PLCD1: variants seen among roughly 807,000 people sequenced by gnomAD.
PLCD1 encodes the protein 1-phosphatidylinositol 4,5-bisphosphate phosphodiesterase delta-1.
Under a neutral mutation model 87.4 loss-of-function variants are expected in PLCD1, and 71 were observed. The observed-to-expected ratio is 0.81, with a 90% CI of 0.67 to 0.99. The LOEUF (loss-of-function observed/expected upper bound fraction) is 0.99. Among genes scored for constraint, PLCD1 ranks in the 50% least tolerant of loss-of-function variants. The pLI, the probability that PLCD1 is intolerant of heterozygous loss-of-function variation, is 0.00. For missense variants in PLCD1, 867 were observed against 1,001.5 expected, an observed-to-expected ratio of 0.87 and a Z score of 1.81; for synonymous variants, 348 against 399.2, an observed-to-expected ratio of 0.87 and a Z score of 1.53.
Position 38,007,528 on chromosome 3 carries a change from G to T in PLCD1, c.*245C>A. On this transcript the variant is annotated 3_prime_UTR_variant, in exon 15 of 15. Transcript: ENST00000334661. The stretch of plus-strand genomic sequence containing the variant: ...TATCGTGATTTTTATAAAAATCCTT[G>T]ACCACTCGCTGGCCGGAGGGTGGAG... 1.5e-6 allele frequency: 1 copy of T among 659,508 alleles called. No individual in the cohort carries two copies. The highest frequency in any genetic ancestry group is 2.8e-6 in the Non-Finnish European group (1 of 361,922). The allele number at this position is 659,508 out of a possible 1,614,324, so 40.9% of individuals were successfully genotyped here.
chr3:38,024,612 A>C, intron 1 of PLCD1: 1 of 1,514,420 alleles, frequency 6.6e-7, no homozygotes. Context: ...GGAGGGGCGC[A>C]CTTCGGAGGG....
chr3:38,023,244 A>G (rs2154776), intron 1 of PLCD1, among the ~76,000 whole-genome samples: 1 of 152,144 alleles, frequency 6.6e-6, no homozygotes, highest in African/African-American at 2.4e-5. Flanking sequence ...ACAGTCACAC[A>G]CTAGACCACC....
intron 9 of PLCD1, 46 bp downstream of exon 9, chr3:38,009,607 G>T: frequency 6.2e-7 from 1 of 1,611,034 alleles, no homozygotes; most frequent in Non-Finnish European, 8.5e-7. Context: ...CGGGTGAGGG[G>T]ATGGGGAAGG....
Position 38,024,601 on chromosome 3 carries a change from AGGAGGGGCGCACTTC to A in PLCD1, c.35-4264_35-4250del, listed in dbSNP as rs938442534. 15 of 1,511,552 alleles carry A rather than the reference AGGAGGGGCGCACTTC, an allele frequency of 9.9e-6. No homozygotes were observed. The Admixed American group carries it at 2.4e-4, about 24-fold the overall frequency. 93.6% of individuals were successfully genotyped at this position (1,511,552 alleles called of 1,614,324 possible). A position where few individuals can be genotyped will look rare whatever the true frequency, so the allele number is the denominator to read the frequency against. On this transcript the variant is annotated intron_variant, in intron 1 of 14. Transcript: ENST00000334661. ...TGGGAGGGAGGAGCTAGAGTTCGAG[AGGAGGGGCGCACTTC>A]GGAGGGGCGGGACGAGAGGGAAATC...
chr3:38,012,745 C>T (rs767693795), intron 3 of PLCD1, among the ~76,000 whole-genome samples: 1 of 151,990 alleles, frequency 6.6e-6, no homozygotes, highest in East Asian at 1.9e-4. Context: ...TTGAACTCCT[C>T]ACCTCAAGTG....
chr3:38,013,078 T>C (rs867654311), intron 3 of PLCD1, among the ~76,000 whole-genome samples: 3 of 151,636 alleles, frequency 2.0e-5, no homozygotes, highest in Non-Finnish European at 4.4e-5. Flanking sequence ...TTTGGAGAGA[T>C]GGGGTTTTGC....
chr3:38,027,000 G>T (rs1700317358), intron 1 of PLCD1, among the ~76,000 whole-genome samples: 1 of 152,140 alleles, frequency 6.6e-6, no homozygotes. Context: ...GTGTGTATGT[G>T]GGGGGTGTTC....
Position 38,008,499 on chromosome 3 carries a change from C to G in PLCD1, c.1861G>C (p.Ala621Pro). ...PNGTFNPRAL[A>P]QGPWWARKRL... is the part of the protein sequence containing the mutation. ...TTCCGTGCCCACCAGGGCCCCTGAG[C>G]CAGGGCGCGGGGGTTAAAGGTGCCG... The change falls in exon 12 of 15, where the codon GCT becomes CCT. Residue 621 changes from alanine to proline, a missense_variant. Ala to Pro is a conservative substitution (Grantham distance 27). Coordinates refer to ENST00000334661, the MANE Select transcript of PLCD1 (RefSeq NM_006225.4). 1 of 1,614,186 alleles carries G rather than the reference C, an allele frequency of 6.2e-7. No individual in the cohort carries two copies. Among genetic ancestry groups the G allele is most frequent in the Non-Finnish European group, 8.5e-7 (1 of 1,180,020 alleles).
chr3:38,024,576 T>C (rs1358002810), intron 1 of PLCD1: 2 of 1,505,698 alleles, frequency 1.3e-6, no homozygotes, highest in Non-Finnish European at 1.8e-6. Context: ...AGTCCAGGAA[T>C]GGGAGGGAGG....
Position 38,009,662 on chromosome 3 carries a change from G to A in PLCD1, c.1437C>T (p.His479=), listed in dbSNP as rs1322517336. The A allele has an allele frequency of 3.7e-6, 6 of 1,614,006 alleles. No homozygotes were observed. The highest frequency in any genetic ancestry group is 8.5e-7 in the Non-Finnish European group (1 of 1,180,020). Residue 479 remains histidine, a synonymous_variant, in exon 9 of 15, where the codon CAC becomes CAT. Transcript: ENST00000334661. ...EDEAVRSRVQ[H]KPKEDKLRLA... is the part of the protein sequence containing the mutation. Reference sequence around the variant, plus strand: ...CAGCTCCCCCTCAAACCTTGGGCTTGTGCTGCACACGGCTCCTCACTGCCT... The same window carrying A: ...CAGCTCCCCCTCAAACCTTGGGCTTATGCTGCACACGGCTCCTCACTGCCT...
chr3:38,007,618 C>T lies in PLCD1; in HGVS notation c.*155G>A, dbSNP rs1291029441. 1 of 711,964 alleles carries T rather than the reference C, an allele frequency of 1.4e-6. No individual in the cohort carries two copies. The highest frequency in any genetic ancestry group is 2.0e-5 in the Admixed American group (1 of 49,984). 44.1% of individuals were successfully genotyped at this position (711,964 alleles called of 1,614,324 possible). The stretch of plus-strand genomic sequence containing the variant: ...CCAGGGACTGGGCTAGCTCCTGGTC[C>T]CCAGGGAGGCAGCAGCAGACACTAT... On this transcript the variant is annotated 3_prime_UTR_variant, in exon 15 of 15. Coordinates refer to ENST00000334661, the MANE Select transcript of PLCD1 (RefSeq NM_006225.4).
intron 14 of PLCD1, 44 bp from the exon 15 acceptor site, chr3:38,007,902 T>A (rs377646790): frequency 2.4e-5 from 38 of 1,608,190 alleles, no homozygotes; most frequent in Non-Finnish European, 3.2e-5. Flanking sequence ...AGAGTTCTGG[T>A]CATTCGGCGG....
intron 1 of PLCD1, among the ~76,000 whole-genome samples, chr3:38,021,093 TTGTGGTTGC>T (rs1350501262): frequency 2.0e-5 from 3 of 152,036 alleles, no homozygotes; most frequent in Admixed American, 2.0e-4. Flanking sequence ...GGTGTCAACA[TTGTGGTTGC>T]TGTGGGACCC....
rs1425593345 is a variant in PLCD1 at position 38,025,793 on chromosome 3, GC to G, written c.34+3712del. On this transcript the variant is annotated intron_variant, in intron 1 of 14. Coordinates refer to ENST00000334661, the MANE Select transcript of PLCD1 (RefSeq NM_006225.4). This position sits in a 1 kb window ranked among gnomAD's most constrained non-coding sequence, Gnocchi z 4.0. ...ATTATTTATTGAGCCCCTACTGTGT[GC>G]CAATGTCAGGACACCACCCAGAGGC... 6.6e-6 allele frequency among the ~76,000 whole-genome samples: 1 copy of G among 152,132 alleles called. No individual in the cohort carries two copies. The highest frequency in any genetic ancestry group is 1.5e-5 in the Non-Finnish European group (1 of 68,026).
At chr3:38,024,076 G>T in intron 1 of PLCD1, 1 of 492,160 alleles carries the variant, frequency 2.0e-6, no homozygotes, top group Non-Finnish European at 3.6e-6. Context: ...ACAGGAAGGC[G>T]TCGGGTGACA....
In PLCD1 at chr3:38,009,919, G is replaced by A. The variant is rs538510669; in HGVS notation, c.1272C>T (p.Ser424=). 1 of 1,609,482 alleles carries A rather than the reference G, an allele frequency of 6.2e-7. No individual in the cohort carries two copies. The highest frequency in any genetic ancestry group is 1.3e-5 in the African/African-American group (1 of 74,974). The change falls in exon 8 of 15, where the codon AGC becomes AGT. Residue 424 remains serine, a synonymous_variant. Transcript: ENST00000334661. ...CACCACACACCTCAGGGGAGGGCAG[G>A]CTGTTGGTGACCCCATCCAGTGGTC... The part of the protein sequence containing the change: ...LNRPLDGVTN[S]LPSPEQLKGK...
At chr3:38,008,964 G>C in intron 11 of PLCD1, 78 bp downstream of exon 11, 2 of 1,169,124 alleles carry the variant, frequency 1.7e-6, no homozygotes, top group Non-Finnish European at 2.6e-6. Context: ...TCCACTGCAT[G>C]GCCTTCGAGG....
chr3:38,009,313 G>A lies in PLCD1; in HGVS notation c.1565C>T (p.Ser522Phe), dbSNP rs1700028235. The change falls in exon 10 of 15, where the codon TCC becomes TTC. Residue 522 changes from serine to phenylalanine, a missense_variant. Physicochemically the swap from Ser to Phe is radical, Grantham distance 155 (BLOSUM62 -2). Coordinates refer to ENST00000334661, the MANE Select transcript of PLCD1 (RefSeq NM_006225.4). ...TCGAAGGGCACGGTTCTCAGAGAAG[G>A]ACGCCATCTCGTAGAAGGCCTGTCC... ...TPGQAFYEMA[S>F]FSENRALRLL... is the part of the protein sequence containing the mutation. 6.2e-7 allele frequency: 1 copy of A among 1,614,164 alleles called. No homozygotes were observed.
intron 3 of PLCD1, chr3:38,014,578 A>G (rs114148139): frequency 0.021 from 3,303 of 153,872 alleles, 50 homozygotes; most frequent in East Asian, 0.037. Flanking sequence ...GGCTGATCTG[A>G]GTGCAGGGGT....
Sources: gnomAD v4.1 joint callset for allele counts (sites outside exome capture counted in the v4.1 genomes callset) on GRCh38, gnomAD v4.1.1 for gene constraint, Gnocchi (gnomAD v3.1) non-coding constraint, MANE v1.5 for transcripts, NCBI Gene and HGNC (gene_info 2026-07-23, HGNC 2026-07-21) for gene names.